The following IGHMBP2 variants were observed in gnomAD, a reference collection of about 807,000 sequenced individuals.
IGHMBP2 encodes immunoglobulin mu DNA binding protein 2.
A neutral mutation model predicts 96.0 loss-of-function variants in IGHMBP2; 81 were observed. The observed-to-expected ratio is 0.84, with a 90% confidence interval of 0.71 to 1.01. The LOEUF is 1.01. IGHMBP2 is among the 50% of genes least tolerant of loss of function. The pLI is 0.00. For missense variants in IGHMBP2, 1,227 were observed against 1,306.3 expected (o/e 0.94, Z 0.94); for synonymous variants, 557 against 548.9 (o/e 1.01, Z -0.21).
At position 68,908,022 on chromosome 11, in the gene IGHMBP2, C is replaced by T. The variant is rs552085964; in HGVS notation, c.257-123C>T. 3.1e-3 allele frequency: 2,698 copies of T among 863,062 alleles called. 14 individuals carry two copies. The highest frequency in any genetic ancestry group is 4.4e-3 in the Non-Finnish European group (2,267 of 510,754). 53.5% of individuals were successfully genotyped at this position (863,062 alleles called of 1,614,324 possible). On this transcript the variant is annotated intron_variant, in intron 2 of 14. Transcript: ENST00000255078. ...TTTCTTTTTTTTTTTTTAACTGTTA[C>T]TGATTGCATTTACTAAAGAAAGTAA...
At chr11:68,934,388 C>T (rs1859439740) in intron 10 of IGHMBP2, 76 bp from the exon 11 acceptor site, 2 of 1,020,702 alleles carry the variant, frequency 2.0e-6, no homozygotes, top group Non-Finnish European at 3.0e-6. Flanking sequence ...CAGAAACGTG[C>T]CCGAAACACG....
intron 14 of IGHMBP2, among the ~76,000 whole-genome samples, chr11:68,938,950 C>T (rs1859651146): frequency 6.6e-6 from 1 of 152,006 alleles, no homozygotes; most frequent in South Asian, 2.1e-4. Context: ...TCAGGGTGGG[C>T]TTCCTGGAGG....
intron 8 of IGHMBP2, among the ~76,000 whole-genome samples, chr11:68,930,755 CCT>C (rs1393528016): frequency 2.0e-5 from 3 of 152,144 alleles, no homozygotes; most frequent in African/African-American, 7.2e-5. Flanking sequence ...GTGGGTAGCT[CCT>C]CTCTGTAGGC....
At chr11:68,904,206 G>A (rs954837066) in intron 1 of IGHMBP2, among the ~76,000 whole-genome samples, 168 bp downstream of exon 1, 4 of 152,156 alleles carry the variant, frequency 2.6e-5, no homozygotes, top group African/African-American at 9.6e-5. Context: ...CGAGTTGTCA[G>A]TCTCATCACT....
At position 68,911,561 on chromosome 11, in the gene IGHMBP2, T is replaced by A. The variant is rs1858438146; in HGVS notation, c.669T>A (p.Thr223=). The A allele has an allele frequency of 6.2e-7, 1 of 1,614,034 alleles. No homozygotes were observed. The highest frequency in any genetic ancestry group is 1.1e-5 in the South Asian group (1 of 91,092). The change falls in exon 5 of 15, where the codon ACT becomes ACA. Residue 223 remains threonine (T), a synonymous_variant. Transcript: ENST00000255078. ...CTCCTGGCACTGGGAAAACCACGAC[T>A]GTGGTTGAGATCATTCTTCAAGCTG... is the stretch of plus-strand genomic sequence containing the variant. The part of the protein sequence containing the change: ...HGPPGTGKTT[T]VVEIILQAVK...
At chr11:68,906,315 G>T in intron 2 of IGHMBP2, 77 bp downstream of exon 2, 3 of 1,448,636 alleles carry the variant, frequency 2.1e-6, no homozygotes, top group Non-Finnish European at 2.9e-6. Flanking sequence ...GTAAAGACTG[G>T]ATTAAAATGA....
intron 1 of IGHMBP2, among the ~76,000 whole-genome samples, chr11:68,904,726 C>G (rs150499490): frequency 1.2e-3 from 175 of 152,030 alleles, no homozygotes; most frequent in African/African-American, 4.1e-3. Flanking sequence ...CTAACACTTA[C>G]GTACTTTCCA....
intron 6 of IGHMBP2, among the ~76,000 whole-genome samples, chr11:68,915,357 T>C (rs1346794055): frequency 6.6e-6 from 1 of 151,878 alleles, no homozygotes; most frequent in Non-Finnish European, 1.5e-5. Context: ...TTTTTCTATT[T>C]TTAGTTGAGA....
intron 4 of IGHMBP2, among the ~76,000 whole-genome samples, chr11:68,909,632 T>C (rs78702240): frequency 0.061 from 9,201 of 150,808 alleles, 332 homozygotes; most frequent in South Asian, 0.087. Flanking sequence ...GAAAAATCTT[T>C]TTTTTTTTTT....
intron 5 of IGHMBP2, 122 bp from the exon 6 acceptor site, chr11:68,914,701 T>C: frequency 9.9e-7 from 1 of 1,005,192 alleles, no homozygotes; most frequent in Non-Finnish European, 1.6e-6. Flanking sequence ...AAGATTTGAT[T>C]GAGAGCACGT....
chr11:68,934,119 G>A, intron 10 of IGHMBP2: 1 of 626,126 alleles, frequency 1.6e-6, no homozygotes, highest in Non-Finnish European at 2.9e-6. Context: ...GATGGGCCTG[G>A]CAGCATTTTA....
In IGHMBP2 at chr11:68,937,160, C is replaced by T. The variant is rs1859579579; in HGVS notation, c.2611+69C>T. The T allele has an allele frequency of 1.2e-5, 19 of 1,569,712 alleles. No homozygotes were observed. In the South Asian group the frequency reaches 1.7e-4, roughly 14 times the overall value. On this transcript the variant is annotated intron_variant, in intron 13 of 14. Coordinates refer to ENST00000255078, the MANE Select transcript of IGHMBP2 (RefSeq NM_002180.3). ...GGTGCTGGCCCCACTTGGAGCCCACCTGCCACCATCAACAGAAGGAAGGGC... is the reference window on the plus strand; with the variant it reads ...GGTGCTGGCCCCACTTGGAGCCCACTTGCCACCATCAACAGAAGGAAGGGC...
chr11:68,930,085 C>T (rs1859226059), intron 8 of IGHMBP2: 1 of 1,173,878 alleles, frequency 8.5e-7, no homozygotes, highest in Admixed American at 3.9e-5. Context: ...CGGGCGTGCC[C>T]TCTCTCCAGA....
chr11:68,923,191 T>C (rs1034599445), intron 7 of IGHMBP2, among the ~76,000 whole-genome samples: 2 of 151,288 alleles, frequency 1.3e-5, no homozygotes, highest in African/African-American at 2.4e-5. Flanking sequence ...TCCTATAATC[T>C]TTTTTTTTGT....
chr11:68,933,209 G>A, intron 8 of IGHMBP2, 90 bp from the exon 9 acceptor site: 1 of 1,353,106 alleles, frequency 7.4e-7, no homozygotes, highest in Non-Finnish European at 1.0e-6. Flanking sequence ...GGGTCCTGAG[G>A]TTTGGGGCCT....
rs1486831174 is a variant in IGHMBP2 at position 68,908,543 on chromosome 11, T to G, written c.459T>G (p.Ile153Met). The change falls in exon 4 of 15, where the codon ATT (isoleucine) becomes ATG (methionine). Residue 153 changes from isoleucine (I) to methionine (M), a missense_variant. Transcript: ENST00000255078. The part of the protein sequence containing the change: ...VTYRRLKKAL[I>M]ALKKYHSGPA... The stretch of plus-strand genomic sequence containing the variant: ...TTTTCTCCCTTGGCAGAGCCCTGAT[T>G]GCTCTAAAGAAGTATCATTCTGGCC... The G allele has an allele frequency of 1.2e-6, 2 of 1,613,254 alleles. No individual in the cohort carries two copies. Among genetic ancestry groups the G allele is most frequent in the Admixed American group, 3.3e-5 (2 of 60,026 alleles).
intron 5 of IGHMBP2, among the ~76,000 whole-genome samples, chr11:68,914,122 A>G (rs1858554415): frequency 6.6e-6 from 1 of 152,122 alleles, no homozygotes; most frequent in African/African-American, 2.4e-5. Context: ...TTTTTTTGAG[A>G]GGCCTCAATG....
rs1437420663 is a variant in IGHMBP2, at chr11:68,929,901, G to A, written c.1235+544G>A. ...CGGTGGCCTGGCCCAGGCTGTCCTG[G>A]TGGAGACACTGGAGCCCTGATGCAG... is the stretch of plus-strand genomic sequence containing the variant. On this transcript the variant is annotated intron_variant, in intron 8 of 14. Coordinates refer to ENST00000255078, the MANE Select transcript of IGHMBP2 (RefSeq NM_002180.3). 5.1e-6 allele frequency: 5 copies of A among 975,852 alleles called. No individual in the cohort carries two copies. In the African/African-American group the frequency reaches 7.7e-5, roughly 15 times the overall value. The allele number at this position is 975,852 out of a possible 1,614,324, so 60.4% of individuals were successfully genotyped here.
chr11:68,915,053 G>T, intron 6 of IGHMBP2, 30 bp downstream of exon 6: 1 of 1,587,838 alleles, frequency 6.3e-7, no homozygotes, highest in Non-Finnish European at 8.6e-7. Flanking sequence ...TCCATGTGGG[G>T]CGTGGGCTTC....
Sources: allele counts gnomAD v4.1 joint callset (sites outside exome capture counted in the v4.1 genomes callset), GRCh38; gene constraint gnomAD v4.1.1; transcripts MANE v1.5; gene names NCBI Gene and HGNC (gene_info 2026-07-23, HGNC 2026-07-21).